The following ADCY5 variants were observed in gnomAD, a reference collection of about 807,000 sequenced individuals.
ADCY5 encodes the protein adenylate cyclase 5.
Under a neutral mutation model 119.7 loss-of-function variants are expected in ADCY5, and 30 were observed. That is an observed-to-expected ratio of 0.25 (90% CI 0.19 to 0.34). ADCY5 has a LOEUF of 0.34. ADCY5 is among the 10% of genes least tolerant of loss of function. ADCY5 has a pLI of 1.00. For missense variants in ADCY5, 1,324 were observed against 1,775.2 expected (o/e 0.75, Z 4.57); for synonymous variants, 753 against 762.2 (o/e 0.99, Z 0.20).
chr3:123,313,174 T>C (rs1276947899), intron 12 of ADCY5, among the ~76,000 whole-genome samples: 1 of 151,846 alleles, frequency 6.6e-6, no homozygotes, highest in Non-Finnish European at 1.5e-5. Context: ...CCAGGGGAGG[T>C]GAACCACACC....
In ADCY5 at chr3:123,300,312, G is replaced by A. The variant is rs1207903338; in HGVS notation, c.2725-17C>T. ...GGTGAAGTACTGCGGGCAGAGGGCA[G>A]CAGCATCAGCTCCCCAGGCCCTGCC... On this transcript the variant is annotated splice_polypyrimidine_tract_variant and intron_variant, in intron 14 of 20. Transcript: ENST00000462833. 1 of 1,611,724 alleles carries A rather than the reference G, an allele frequency of 6.2e-7. No homozygotes were observed.
intron 3 of ADCY5, among the ~76,000 whole-genome samples, chr3:123,345,544 T>C (rs1942489926): frequency 6.6e-6 from 1 of 152,042 alleles, no homozygotes; most frequent in South Asian, 2.1e-4. Context: ...AAGGGGGAGC[T>C]CAGTGACTTG....
intron 3 of ADCY5, among the ~76,000 whole-genome samples, chr3:123,334,782 A>G (rs1366003377): frequency 5.3e-5 from 8 of 152,218 alleles, no homozygotes; most frequent in Non-Finnish European, 4.4e-5. Flanking sequence ...TTGACAAATG[A>G]TAATTGTATA....
At chr3:123,396,817 G>GAGAGA (rs1317241830) in intron 1 of ADCY5, among the ~76,000 whole-genome samples, 45 of 64,720 alleles carry the variant, frequency 7.0e-4, no homozygotes, top group African/African-American at 2.1e-3. Flanking sequence ...CAGGCAGGCA[G>GAGAGA]GCGAGAGAGA....
At chr3:123,310,592 T>G (rs577899220) in intron 12 of ADCY5, among the ~76,000 whole-genome samples, 1 of 152,180 alleles carries the variant, frequency 6.6e-6, no homozygotes, top group African/African-American at 2.4e-5. Flanking sequence ...CGTGTGATGG[T>G]GAGCAGGGCT....
chr3:123,293,282 G>A (rs1271567088), intron 17 of ADCY5, among the ~76,000 whole-genome samples: 1 of 152,100 alleles, frequency 6.6e-6, no homozygotes, highest in Non-Finnish European at 1.5e-5. Flanking sequence ...GAATGCTGAG[G>A]AGTCCGCCTA....
chr3:123,321,556 T>C (rs1941219285), intron 8 of ADCY5, among the ~76,000 whole-genome samples: 1 of 152,038 alleles, frequency 6.6e-6, no homozygotes, highest in South Asian at 2.1e-4. Flanking sequence ...TCAGAGGTGG[T>C]GCGGAAGGTG....
Position 123,305,251 on chromosome 3 carries a change from G to A in ADCY5, c.2443-1068C>T, listed in dbSNP as rs542901548. Among the ~76,000 whole-genome samples the A allele has an allele frequency of 5.1e-4, 78 of 152,284 alleles. 1 individual carries two copies. Among genetic ancestry groups the A allele is most frequent in the African/African-American group, 1.8e-3 (76 of 41,564 alleles). On this transcript the variant is annotated intron_variant, in intron 12 of 20. Coordinates refer to ENST00000462833, the MANE Select transcript of ADCY5 (RefSeq NM_183357.3). Reference sequence around the variant, plus strand: ...GGTCTCTACCCCAATCATGGGCTGTGAGCATCCCTGCAAATTCTTGCTTAA... The same window carrying A: ...GGTCTCTACCCCAATCATGGGCTGTAAGCATCCCTGCAAATTCTTGCTTAA...
intron 19 of ADCY5, among the ~76,000 whole-genome samples, chr3:123,287,334 C>T (rs1421811984): frequency 6.6e-6 from 1 of 152,222 alleles, no homozygotes; most frequent in African/African-American, 2.4e-5. Flanking sequence ...CTTTCCCAAT[C>T]TCACCCAAGG....
At chr3:123,328,922 A>G (rs1207504373) in intron 5 of ADCY5, 120 bp from the exon 6 acceptor site, 2 of 1,076,156 alleles carry the variant, frequency 1.9e-6, no homozygotes, top group African/African-American at 3.1e-5. Flanking sequence ...TCTCTCTCCC[A>G]TCCAGCCCTA....
intron 1 of ADCY5, among the ~76,000 whole-genome samples, chr3:123,358,647 G>C (rs952947548): frequency 6.6e-6 from 1 of 152,120 alleles, no homozygotes; most frequent in African/African-American, 2.4e-5. Flanking sequence ...CAGATGGATG[G>C]GGTCCGAGTG....
chr3:123,321,840 C>T (rs561540440), intron 8 of ADCY5, among the ~76,000 whole-genome samples: 4 of 152,324 alleles, frequency 2.6e-5, no homozygotes, highest in Admixed American at 2.6e-4. Flanking sequence ...AGAGGCTCTA[C>T]CCCCAGCTGA....
chr3:123,356,135 C>T (rs1017000419), intron 1 of ADCY5, among the ~76,000 whole-genome samples: 1 of 152,106 alleles, frequency 6.6e-6, no homozygotes, highest in East Asian at 1.9e-4. Flanking sequence ...TCATACTATA[C>T]ACAAAAATTC....
chr3:123,417,874 G>A (rs939675794), intron 1 of ADCY5, among the ~76,000 whole-genome samples: 5 of 152,172 alleles, frequency 3.3e-5, no homozygotes, highest in South Asian at 2.1e-4. Flanking sequence ...ATGAAGGCTC[G>A]TAAGGTAAGA....
At chr3:123,299,800 C>T (rs758127860) in intron 15 of ADCY5, among the ~76,000 whole-genome samples, 17 of 152,344 alleles carry the variant, frequency 1.1e-4, no homozygotes, top group South Asian at 2.1e-4. Context: ...CCTTACTGCC[C>T]GGCTCTGCTG....
intron 12 of ADCY5, among the ~76,000 whole-genome samples, chr3:123,310,117 C>T (rs1940468898): frequency 6.9e-6 from 1 of 145,040 alleles, no homozygotes. Context: ...CACACACACA[C>T]ACACACACAC....
Position 123,352,085 on chromosome 3 carries a change from CG to C in ADCY5, c.1284+346del, listed in dbSNP as rs1252320267. On this transcript the variant is annotated intron_variant, in intron 2 of 20. Transcript: ENST00000462833. The surrounding 1 kb of genome is among the most constrained non-coding windows in gnomAD (Gnocchi z 4.8). Reference sequence around the variant, plus strand: ...CTTCTCTCCTTACTCCAACTCAAGGCGGGGTGCAGTGCGGGGAGGGAGTGGT... The same window carrying C: ...CTTCTCTCCTTACTCCAACTCAAGGCGGGTGCAGTGCGGGGAGGGAGTGGT... 6.6e-6 allele frequency among the ~76,000 whole-genome samples: 1 copy of C among 152,028 alleles called. No homozygotes were observed.
intron 1 of ADCY5, among the ~76,000 whole-genome samples, chr3:123,413,173 C>T (rs1945099712): frequency 6.6e-6 from 1 of 152,214 alleles, no homozygotes; most frequent in Non-Finnish European, 1.5e-5. Flanking sequence ...GCCCATCTCC[C>T]AGCAGATGGG....
intron 5 of ADCY5, among the ~76,000 whole-genome samples, chr3:123,330,318 C>A (rs1369582578): frequency 6.6e-6 from 1 of 152,244 alleles, no homozygotes; most frequent in Non-Finnish European, 1.5e-5. Flanking sequence ...CTTGCACCAC[C>A]CATGTTTTTC....
Sources: allele counts gnomAD v4.1 joint callset (sites outside exome capture counted in the v4.1 genomes callset), GRCh38; gene constraint gnomAD v4.1.1; non-coding constraint Gnocchi (gnomAD v3.1); transcripts MANE v1.5; gene names NCBI Gene and HGNC (gene_info 2026-07-23, HGNC 2026-07-21).